Variants in CHD6 observed in about 807,000 individuals in gnomAD.
CHD6 encodes the protein ATP-dependent chromatin remodeler CHD6.
In CHD6, 50 loss-of-function variants were observed where a neutral mutation model predicts 276.9. The observed-to-expected ratio is 0.18, with a 90% confidence interval of 0.14 to 0.23. The LOEUF is 0.23. Ranked by LOEUF, CHD6 falls within the 10% of genes least tolerant of loss-of-function variation. The pLI, the probability that CHD6 is intolerant of heterozygous loss-of-function variation, is 1.00. For synonymous variants in CHD6, 1,173 were observed against 1,229.3 expected (o/e 0.95, Z 0.96); for missense variants, 2,564 against 3,365.8 (o/e 0.76, Z 5.89).
intron 1 of CHD6, among the ~76,000 whole-genome samples, chr20:41,617,754 C>G (rs942160961): frequency 3.3e-5 from 5 of 151,938 alleles, no homozygotes; most frequent in African/African-American, 4.8e-5. Context: ...AGGGGGTGCG[C>G]GATCCGAGGC....
chr20:41,511,340 T>C (rs1273350782), intron 5 of CHD6, among the ~76,000 whole-genome samples: 1 of 152,222 alleles, frequency 6.6e-6, no homozygotes, highest in African/African-American at 2.4e-5. Context: ...CTCTTGGCAA[T>C]AATGCCCCTC....
chr20:41,577,053 A>T (rs2045481343), intron 1 of CHD6, among the ~76,000 whole-genome samples: 1 of 152,238 alleles, frequency 6.6e-6, no homozygotes, highest in African/African-American at 2.4e-5. Flanking sequence ...AGGGACAGAA[A>T]AGGAAGGAAA....
intron 27 of CHD6, among the ~76,000 whole-genome samples, chr20:41,427,614 T>C (rs2047406444): frequency 6.6e-6 from 1 of 151,732 alleles, no homozygotes; most frequent in Non-Finnish European, 1.5e-5. Context: ...GACAAGAGAG[T>C]CTTAGATGAA....
At chr20:41,613,281 C>G (rs934508061) in intron 1 of CHD6, among the ~76,000 whole-genome samples, 10 of 152,150 alleles carry the variant, frequency 6.6e-5, no homozygotes, top group Non-Finnish European at 1.5e-4. Context: ...AACCCTTTTC[C>G]TCCTAACATA....
In CHD6 at chr20:41,452,968, A is replaced by G. The variant is rs2145670646; in HGVS notation, c.3121-26T>C. 4 of 1,571,370 alleles carry G rather than the reference A, an allele frequency of 2.5e-6. No individual in the cohort carries two copies. The highest frequency in any genetic ancestry group is 1.7e-4 in the Middle Eastern group (1 of 5,982). ...CTAGAAATGGAGAGGACTACTGGGAAGAAAGTCCTCTTTTCTCTACTCCTT... is the reference window on the plus strand; with the variant it reads ...CTAGAAATGGAGAGGACTACTGGGAGGAAAGTCCTCTTTTCTCTACTCCTT... On this transcript the variant is annotated intron_variant, in intron 20 of 36. Transcript: ENST00000373233. The surrounding 1 kb of genome is among the most constrained non-coding windows in gnomAD (Gnocchi z 4.2).
chr20:41,586,413 C>T (rs905695206), intron 1 of CHD6, among the ~76,000 whole-genome samples: 20 of 152,180 alleles, frequency 1.3e-4, no homozygotes, highest in African/African-American at 4.6e-4. Flanking sequence ...TCATCCTAAT[C>T]GAGCTGAATG....
chr20:41,584,256 A>G (rs1021056092), intron 1 of CHD6, among the ~76,000 whole-genome samples: 1 of 152,202 alleles, frequency 6.6e-6, no homozygotes, highest in African/African-American at 2.4e-5. Flanking sequence ...GAGACATCAC[A>G]TAATGATGAG....
At chr20:41,442,833 G>A (rs745918767) in intron 25 of CHD6, among the ~76,000 whole-genome samples, 1 of 152,178 alleles carries the variant, frequency 6.6e-6, no homozygotes, top group Non-Finnish European at 1.5e-5. Context: ...ACTCTGGCGG[G>A]TGCCAAAGAG....
In CHD6 at chr20:41,473,571, G is replaced by C. The variant is rs1406850415; in HGVS notation, c.2469-54C>G. On this transcript the variant is annotated intron_variant, in intron 16 of 36. Transcript: ENST00000373233. The surrounding 1 kb of genome is among the most constrained non-coding windows in gnomAD (Gnocchi z 4.1). ...AGGCGTTAATCATGACTTCAATGGAGAACAGCACAAAATGCAGGAAGCTGT... is the reference window on the plus strand; with the variant it reads ...AGGCGTTAATCATGACTTCAATGGACAACAGCACAAAATGCAGGAAGCTGT... 6.9e-7 allele frequency: 1 copy of C among 1,448,216 alleles called. No individual in the cohort carries two copies. The highest frequency in any genetic ancestry group is 1.4e-5 in the African/African-American group (1 of 71,174). The allele number at this position is 1,448,216 out of a possible 1,614,324, so 89.7% of individuals were successfully genotyped here. A position where few individuals can be genotyped will look rare whatever the true frequency, so the allele number is the denominator to read the frequency against.
At position 41,403,779 on chromosome 20, in the gene CHD6, C is replaced by T; in HGVS notation, c.*814G>A. The T allele has an allele frequency of 1.9e-6, 2 of 1,058,734 alleles. No individual in the cohort carries two copies. Among genetic ancestry groups the T allele is most frequent in the Non-Finnish European group, 2.3e-6 (2 of 875,198 alleles). 65.6% of individuals were successfully genotyped at this position (1,058,734 alleles called of 1,614,324 possible). A position where few individuals can be genotyped will look rare whatever the true frequency, so the allele number is the denominator to read the frequency against. On this transcript the variant is annotated 3_prime_UTR_variant, in exon 37 of 37. Coordinates refer to ENST00000373233, the MANE Select transcript of CHD6 (RefSeq NM_032221.5). Reference sequence around the variant, plus strand: ...AAGCGAACCAGGTGAGAGCAGAGCGCTAGCCGTGTGCTTGTGAAGCAGCGT... The same window carrying T: ...AAGCGAACCAGGTGAGAGCAGAGCGTTAGCCGTGTGCTTGTGAAGCAGCGT...
intron 1 of CHD6, among the ~76,000 whole-genome samples, chr20:41,606,504 ACT>A (rs2045830476): frequency 6.6e-6 from 1 of 151,328 alleles, no homozygotes; most frequent in Admixed American, 6.6e-5. Context: ...ACGGAGCGAG[ACT>A]CTGTCTCAAA....
chr20:41,572,919 T>A (rs1264635846), intron 1 of CHD6, among the ~76,000 whole-genome samples: 1 of 148,326 alleles, frequency 6.7e-6, no homozygotes, highest in Non-Finnish European at 1.5e-5. Context: ...TCAAGACCCT[T>A]TTTTTTTTTA....
intron 5 of CHD6, 144 bp from the exon 6 acceptor site, chr20:41,499,501 G>T: frequency 1.6e-6 from 1 of 608,072 alleles, no homozygotes; most frequent in Non-Finnish European, 2.8e-6. Flanking sequence ...CCACAGAGTG[G>T]TCAAAAGGTC....
rs1049697327 is a variant in CHD6 at position 41,426,057 on chromosome 20, T to G, written c.4129+36A>C. On this transcript the variant is annotated intron_variant, in intron 28 of 36. Coordinates refer to ENST00000373233, the MANE Select transcript of CHD6 (RefSeq NM_032221.5). ...CCACGATAACTAACAAACTAAGACC[T>G]TACTTTCCTATGCCTTCAGAAGGAC... 34 of 1,452,794 alleles carry G rather than the reference T, an allele frequency of 2.3e-5. No homozygotes were observed. The Admixed American group carries it at 3.7e-4, about 16-fold the overall frequency. 90.0% of individuals were successfully genotyped at this position (1,452,794 alleles called of 1,614,324 possible).
chr20:41,571,743 T>C (rs2045419898), intron 1 of CHD6, among the ~76,000 whole-genome samples: 2 of 152,192 alleles, frequency 1.3e-5, no homozygotes, highest in Non-Finnish European at 2.9e-5. Flanking sequence ...ATTTCCTCTA[T>C]TCTAGACTGG....
chr20:41,542,527 C>A (rs780098770), intron 2 of CHD6, among the ~76,000 whole-genome samples: 3 of 151,528 alleles, frequency 2.0e-5, no homozygotes, highest in Non-Finnish European at 4.4e-5. Context: ...CCCGTCTCTA[C>A]TAAAAAATAC....
intron 2 of CHD6, among the ~76,000 whole-genome samples, chr20:41,544,352 CT>C: frequency 6.6e-6 from 1 of 152,292 alleles, no homozygotes; most frequent in East Asian, 1.9e-4. Context: ...TTTGAAGCTG[CT>C]TCAAAAACTT....
At chr20:41,412,055 C>A (rs1189350595) in intron 36 of CHD6, 89 bp downstream of exon 36, 4 of 1,545,864 alleles carry the variant, frequency 2.6e-6, no homozygotes, top group Non-Finnish European at 3.5e-6. Flanking sequence ...CGAACCCCTT[C>A]CCAGCTGGGG....
intron 16 of CHD6, among the ~76,000 whole-genome samples, chr20:41,475,327 T>A (rs1023620611): frequency 1.3e-5 from 2 of 152,180 alleles, no homozygotes; most frequent in African/African-American, 4.8e-5. Context: ...TCTTGCTCAG[T>A]CATCTAGCTG....
Sources: allele counts gnomAD v4.1 joint callset (sites outside exome capture counted in the v4.1 genomes callset), GRCh38; gene constraint gnomAD v4.1.1; non-coding constraint Gnocchi (gnomAD v3.1); transcripts MANE v1.5; gene names NCBI Gene and HGNC (gene_info 2026-07-23, HGNC 2026-07-21).